Variants in TMEM178B observed in about 807,000 individuals in gnomAD.
The protein encoded by TMEM178B is transmembrane protein 178B.
Under a neutral mutation model 31.0 loss-of-function variants are expected in TMEM178B, and 5 were observed. The ratio of observed to expected loss-of-function variants is 0.16; its 90% CI spans 0.08 to 0.34. The LOEUF (loss-of-function observed/expected upper bound fraction) is 0.34. Ranked by LOEUF, TMEM178B falls within the 10% of genes least tolerant of loss-of-function variation. The pLI is 1.00. For missense variants in TMEM178B, 275 were observed against 400.3 expected (o/e 0.69, Z 2.67); for synonymous variants, 164 against 164.0 (o/e 1.00, Z 0.00).
the TMEM178B span, among the ~76,000 whole-genome samples, chr7:141,508,587 A>G: frequency 6.6e-6 from 1 of 152,212 alleles, no homozygotes. Flanking sequence ...AAAACTGGTA[A>G]CAAAAAGGTT....
chr7:141,322,398 G>A (rs1799116429), intron 2 of TMEM178B, among the ~76,000 whole-genome samples: 1 of 151,650 alleles, frequency 6.6e-6, no homozygotes, highest in Non-Finnish European at 1.5e-5. Flanking sequence ...GGGCATGGTG[G>A]CATATGCCTG....
intron 1 of TMEM178B, among the ~76,000 whole-genome samples, chr7:141,137,734 C>T (rs745316025): frequency 1.3e-5 from 2 of 151,938 alleles, no homozygotes; most frequent in African/African-American, 2.4e-5. Flanking sequence ...TCCTAAATAC[C>T]CTCATGTGAT....
chr7:141,139,699 T>C (rs1465936598), intron 1 of TMEM178B, among the ~76,000 whole-genome samples: 2 of 152,132 alleles, frequency 1.3e-5, no homozygotes, highest in Non-Finnish European at 2.9e-5. Context: ...CAAACATTGC[T>C]CTGCTAAATA....
intron 2 of TMEM178B, among the ~76,000 whole-genome samples, chr7:141,308,659 A>G (rs1200695269): frequency 6.6e-6 from 1 of 152,144 alleles, no homozygotes; most frequent in Non-Finnish European, 1.5e-5. Flanking sequence ...ATCCCACCCC[A>G]GTTGGTCTCC....
chr7:141,510,685 C>CAAAAAAAAAA, the TMEM178B span, among the ~76,000 whole-genome samples: 2,656 of 24,908 alleles, frequency 0.11, 758 homozygotes, highest in Non-Finnish European at 0.14. Flanking sequence ...AACTCCGTCT[C>CAAAAAAAAAA]AAAAAAAAAA....
chr7:141,355,381 T>C (rs7779102), intron 2 of TMEM178B, among the ~76,000 whole-genome samples: 49,005 of 151,982 alleles, frequency 0.32, 8,042 homozygotes, highest in Middle Eastern at 0.35. Context: ...TTGGGACCCC[T>C]ATGGACTGAT....
At chr7:141,510,478 G>A in the TMEM178B span, among the ~76,000 whole-genome samples, 1 of 151,706 alleles carries the variant, frequency 6.6e-6, no homozygotes, top group South Asian at 2.1e-4. Context: ...CTGAGGTCGG[G>A]AGTTCAAGAC....
At chr7:141,260,431 T>C (rs1797994889) in intron 2 of TMEM178B, among the ~76,000 whole-genome samples, 1 of 152,108 alleles carries the variant, frequency 6.6e-6, no homozygotes, top group African/African-American at 2.4e-5. Flanking sequence ...GACCATTTTT[T>C]CCCCCAGTTC....
At chr7:141,101,355 TC>T (rs1299933747) in intron 1 of TMEM178B, among the ~76,000 whole-genome samples, 2 of 152,254 alleles carry the variant, frequency 1.3e-5, no homozygotes, top group Non-Finnish European at 2.9e-5. Flanking sequence ...TAGATTTTTA[TC>T]TCTTTCTGTC....
In TMEM178B at chr7:141,461,252, C is replaced by CTGCAGAGCCTGCCT. The variant is rs1370083662; in HGVS notation, c.635-9278_635-9265dup. On this transcript the variant is annotated intron_variant, in intron 3 of 3. Transcript: ENST00000565468. The surrounding 1 kb of genome is among the most constrained non-coding windows in gnomAD (Gnocchi z 4.0). The stretch of plus-strand genomic sequence containing the variant: ...CTGATACACAGCCACGTGGGTGTTT[C>CTGCAGAGCCTGCCT]TGCAGAGCCTGCCTTGCAGCGACCT... Among the ~76,000 whole-genome samples, 1 of 152,324 alleles carries CTGCAGAGCCTGCCT rather than the reference C, an allele frequency of 6.6e-6. No homozygotes were observed. Among genetic ancestry groups the CTGCAGAGCCTGCCT allele is most frequent in the East Asian group, 1.9e-4 (1 of 5,176 alleles).
the TMEM178B span, among the ~76,000 whole-genome samples, chr7:141,502,131 A>G: frequency 6.6e-6 from 1 of 152,078 alleles, no homozygotes; most frequent in Non-Finnish European, 1.5e-5. Context: ...CAGTACTTAC[A>G]GCTGTGCATC....
At chr7:141,240,937 G>C (rs1199227670) in intron 2 of TMEM178B, among the ~76,000 whole-genome samples, 1 of 152,018 alleles carries the variant, frequency 6.6e-6, no homozygotes, top group Non-Finnish European at 1.5e-5. Flanking sequence ...CACCTGGTGG[G>C]AAGCCCCCAT....
intron 2 of TMEM178B, among the ~76,000 whole-genome samples, chr7:141,397,759 A>G (rs1800682868): frequency 6.6e-6 from 1 of 152,216 alleles, no homozygotes; most frequent in Non-Finnish European, 1.5e-5. Flanking sequence ...GCCATTAGGA[A>G]TACTTTCATA....
intron 2 of TMEM178B, among the ~76,000 whole-genome samples, chr7:141,331,215 A>G (rs1799293636): frequency 6.6e-6 from 1 of 152,254 alleles, no homozygotes; most frequent in Non-Finnish European, 1.5e-5. Flanking sequence ...TTTGGCATGC[A>G]GATGGTCTCT....
At position 141,355,910 on chromosome 7, in the gene TMEM178B, C is replaced by G. The variant is rs554317910; in HGVS notation, c.497-81698C>G. Reference sequence around the variant, plus strand: ...TAGTCACATTGTCTATTGTTTCCATCTTTATGTCCATGTGTACCCAGCGTT... The same window carrying G: ...TAGTCACATTGTCTATTGTTTCCATGTTTATGTCCATGTGTACCCAGCGTT... On this transcript the variant is annotated intron_variant, in intron 2 of 3. Transcript: ENST00000565468. Among the ~76,000 whole-genome samples the G allele has an allele frequency of 1.5e-3, 234 of 152,288 alleles. 1 individual carries two copies. Among genetic ancestry groups the G allele is most frequent in the Middle Eastern group, 6.8e-3 (2 of 294 alleles).
intron 1 of TMEM178B, among the ~76,000 whole-genome samples, chr7:141,087,143 C>G (rs1794801993): frequency 6.6e-6 from 1 of 152,230 alleles, no homozygotes; most frequent in African/African-American, 2.4e-5. Flanking sequence ...GATGCAGGTT[C>G]TTTAAGGAAA....
chr7:141,386,822 G>A (rs1800439617), intron 2 of TMEM178B, among the ~76,000 whole-genome samples: 1 of 152,190 alleles, frequency 6.6e-6, no homozygotes, highest in Admixed American at 6.5e-5. Flanking sequence ...TTGAATAAGA[G>A]AAAAGTGACC....
rs116589368 is a variant in TMEM178B at position 141,094,438 on chromosome 7, A to G, written c.382+19746A>G. On this transcript the variant is annotated intron_variant, in intron 1 of 3. Coordinates refer to ENST00000565468, the MANE Select transcript of TMEM178B (RefSeq NM_001195278.2). The stretch of plus-strand genomic sequence containing the variant: ...AGGATTGGAAAGTGAACCTTACTCT[A>G]TTCTATTTGGGTATGGTGGTTTGCA... Among the ~76,000 whole-genome samples the G allele has an allele frequency of 8.9e-3, 1,350 of 152,242 alleles. 21 individuals are homozygous for G. The highest frequency in any genetic ancestry group is 0.031 in the African/African-American group (1,270 of 41,548).
intron 3 of TMEM178B, among the ~76,000 whole-genome samples, chr7:141,454,079 T>C (rs1208252534): frequency 1.3e-5 from 2 of 152,138 alleles, no homozygotes; most frequent in Non-Finnish European, 2.9e-5. Context: ...TTGAAGTTTC[T>C]GCCACACTCC....
Sources: gnomAD v4.1 joint callset for allele counts (sites outside exome capture counted in the v4.1 genomes callset) on GRCh38, gnomAD v4.1.1 for gene constraint, Gnocchi (gnomAD v3.1) non-coding constraint, MANE v1.5 for transcripts, NCBI Gene and HGNC (gene_info 2026-07-23, HGNC 2026-07-21) for gene names.